The following CERT1 variants were observed in gnomAD, a reference collection of about 807,000 sequenced individuals.
CERT1 encodes ceramide transporter 1.
A neutral mutation model predicts 87.9 loss-of-function variants in CERT1; 31 were observed. That is an observed-to-expected ratio of 0.35 (90% CI 0.27 to 0.48). The LOEUF (loss-of-function observed/expected upper bound fraction) is 0.48. CERT1 is among the 20% of genes least tolerant of loss of function. CERT1 has a pLI of 0.99. For synonymous variants in CERT1, 289 were observed against 250.9 expected (o/e 1.15, Z -1.44); for missense variants, 487 against 758.0 (o/e 0.64, Z 4.20).
chr5:75,463,108 G>A (rs1356359805), intron 2 of CERT1, among the ~76,000 whole-genome samples: 1 of 151,972 alleles, frequency 6.6e-6, no homozygotes, highest in African/African-American at 2.4e-5. Context: ...ACTTTAGCTG[G>A]TGTTTTCAAA....
intron 9 of CERT1, chr5:75,401,448 T>C (rs1762468259): frequency 6.6e-6 from 1 of 152,150 alleles, no homozygotes; most frequent in Non-Finnish European, 1.5e-5. Flanking sequence ...CAAAGTTAGT[T>C]AGAGGTAAAA....
intron 8 of CERT1, among the ~76,000 whole-genome samples, chr5:75,408,908 C>T (rs544123710): frequency 2.6e-5 from 4 of 151,830 alleles, no homozygotes; most frequent in Non-Finnish European, 5.9e-5. Flanking sequence ...CTCTTCCCTC[C>T]ACCCCTGTCC....
chr5:75,473,936 T>C (rs1765834360), intron 2 of CERT1, among the ~76,000 whole-genome samples: 2 of 152,196 alleles, frequency 1.3e-5, no homozygotes, highest in African/African-American at 2.4e-5. Flanking sequence ...ATCATTGTTA[T>C]GAAGGAAGAG....
intron 2 of CERT1, among the ~76,000 whole-genome samples, chr5:75,464,842 T>C (rs1395113299): frequency 6.6e-6 from 1 of 152,132 alleles, no homozygotes; most frequent in Non-Finnish European, 1.5e-5. Flanking sequence ...TCTCCCAAAG[T>C]GCTGGGACTA....
At chr5:75,461,835 A>C (rs1420039877) in intron 2 of CERT1, among the ~76,000 whole-genome samples, 2 of 151,998 alleles carry the variant, frequency 1.3e-5, no homozygotes, top group Non-Finnish European at 2.9e-5. Flanking sequence ...AAAAAAAAAA[A>C]AACGAGAGAA....
rs1013089983 is a variant in CERT1 at position 75,425,213 on chromosome 5, C to A, written c.595+148G>T. 1.1e-5 allele frequency: 7 copies of A among 661,864 alleles called. No homozygotes were observed. In the African/African-American group the frequency reaches 1.1e-4, roughly 10 times the overall value. The allele number at this position is 661,864 out of a possible 1,614,324, so 41.0% of individuals were successfully genotyped here. On this transcript the variant is annotated intron_variant, in intron 5 of 16. Coordinates refer to ENST00000643780, the MANE Select transcript of CERT1 (RefSeq NM_001379029.1). ...ATGTGTAACTGAAGTACCCAAGTTA[C>A]AAGGACACTGAAATCTGTTTCACTG...
chr5:75,439,018 G>A (rs1196662078), intron 3 of CERT1, among the ~76,000 whole-genome samples: 1 of 150,590 alleles, frequency 6.6e-6, no homozygotes, highest in African/African-American at 2.4e-5. Flanking sequence ...TTTTCGATGT[G>A]AAAGCTGATA....
intron 1 of CERT1, among the ~76,000 whole-genome samples, chr5:75,509,613 G>A (rs998709188): frequency 4.0e-5 from 6 of 150,744 alleles, no homozygotes; most frequent in Admixed American, 3.3e-4. Context: ...TTTTTCCCCC[G>A]GTCACTCCAC....
rs187721304 is a variant in CERT1, at chr5:75,498,138, G to A, written c.231+7844C>T. Among the ~76,000 whole-genome samples, 13 of 152,272 alleles carry A rather than the reference G, an allele frequency of 8.5e-5. No homozygotes were observed. The East Asian group carries it at 2.5e-3, about 29-fold the overall frequency. ...GATCTATGGAACTTTGAACTTGAAAGACATGATTTAAGGTCTTAAATTTCT... is the reference window on the plus strand; with the variant it reads ...GATCTATGGAACTTTGAACTTGAAAAACATGATTTAAGGTCTTAAATTTCT... On this transcript the variant is annotated intron_variant, in intron 2 of 16. Transcript: ENST00000643780.
chr5:75,474,307 G>A (rs980693189), intron 2 of CERT1, among the ~76,000 whole-genome samples: 3 of 152,084 alleles, frequency 2.0e-5, no homozygotes, highest in Admixed American at 6.6e-5. Flanking sequence ...TGAGGAGCTC[G>A]GATTTTGAGG....
At chr5:75,389,709 C>T in intron 11 of CERT1, 22 bp from the exon 12 acceptor site, 1 of 1,552,426 alleles carries the variant, frequency 6.4e-7, no homozygotes. Flanking sequence ...AGGAAAAAGG[C>T]ATGAGAATCC....
At chr5:75,417,810 T>C (rs1763203260) in intron 6 of CERT1, among the ~76,000 whole-genome samples, 1 of 152,234 alleles carries the variant, frequency 6.6e-6, no homozygotes, top group African/African-American at 2.4e-5. Flanking sequence ...GTGTGGCATA[T>C]ATTTAATAAA....
chr5:75,438,325 T>C (rs1764180006), intron 3 of CERT1, among the ~76,000 whole-genome samples: 1 of 152,210 alleles, frequency 6.6e-6, no homozygotes, highest in Non-Finnish European at 1.5e-5. Flanking sequence ...CTCTTTGGCT[T>C]CTCAAGATAT....
At chr5:75,406,195 C>CA (rs1762700474) in intron 8 of CERT1, among the ~76,000 whole-genome samples, 1 of 152,252 alleles carries the variant, frequency 6.6e-6, no homozygotes, top group African/African-American at 2.4e-5. Flanking sequence ...TCTTTCCTCT[C>CA]AATTTGTGGA....
At chr5:75,476,325 A>G (rs144706150) in intron 2 of CERT1, among the ~76,000 whole-genome samples, 1,601 of 148,052 alleles carry the variant, frequency 0.011, 29 homozygotes, top group African/African-American at 0.037. Context: ...GGAAATTGTG[A>G]TTTTTTTTTT....
chr5:75,463,519 C>T (rs1025802742), intron 2 of CERT1, among the ~76,000 whole-genome samples: 11 of 152,072 alleles, frequency 7.2e-5, no homozygotes, highest in African/African-American at 1.9e-4. Flanking sequence ...GGCACTTATA[C>T]CTACTCCCTA....
intron 11 of CERT1, among the ~76,000 whole-genome samples, chr5:75,397,982 G>A (rs1561233016): frequency 6.6e-6 from 1 of 152,134 alleles, no homozygotes; most frequent in Admixed American, 6.5e-5. Flanking sequence ...TCGTGCCACT[G>A]CACTCCAGCC....
At position 75,436,090 on chromosome 5, in the gene CERT1, C is replaced by T. The variant is rs147493918; in HGVS notation, c.349-9612G>A. Among the ~76,000 whole-genome samples the T allele has an allele frequency of 2.5e-3, 385 of 152,178 alleles. 1 individual carries two copies. The highest frequency in any genetic ancestry group is 8.5e-3 in the African/African-American group (354 of 41,518). On this transcript the variant is annotated intron_variant, in intron 3 of 16. Transcript: ENST00000643780. ...CTCTGTCACACAGGCTGGAGTGCAG[C>T]GGTGCGATCTTGGCGCACTGCAAGC... is the stretch of plus-strand genomic sequence containing the variant.
In CERT1 at chr5:75,410,723, A is replaced by G. The variant is rs191955241; in HGVS notation, c.930+288T>C. ...TATGTTAAAAAAAAAAAAAAAGTAG[A>G]TAACATTAAAAATGATCATCTTTAC... On this transcript the variant is annotated intron_variant, in intron 8 of 16. Coordinates refer to ENST00000643780, the MANE Select transcript of CERT1 (RefSeq NM_001379029.1). 2.0e-3 allele frequency: 386 copies of G among 190,602 alleles called. 1 individual carries two copies. The highest frequency in any genetic ancestry group is 8.6e-3 in the African/African-American group (370 of 42,966). The allele number at this position is 190,602 out of a possible 1,614,324, so 11.8% of individuals were successfully genotyped here. A position where few individuals can be genotyped will look rare whatever the true frequency, so the allele number is the denominator to read the frequency against.
Sources: gnomAD v4.1 joint callset for allele counts (sites outside exome capture counted in the v4.1 genomes callset) on GRCh38, gnomAD v4.1.1 for gene constraint, MANE v1.5 for transcripts, NCBI Gene and HGNC (gene_info 2026-07-23, HGNC 2026-07-21) for gene names.